Variants in ROBO1 observed in about 807,000 individuals in gnomAD.
ROBO1 encodes roundabout homolog 1.
ROBO1 carries 149 observed loss-of-function variants against 195.9 expected under a neutral mutation model. The ratio of observed to expected loss-of-function variants is 0.76; its 90% CI spans 0.67 to 0.87. The LOEUF (loss-of-function observed/expected upper bound fraction) is 0.87, where lower values mean the gene tolerates loss of function less well. Ranked by LOEUF, ROBO1 falls within the 40% of genes least tolerant of loss-of-function variation. The pLI, the probability that ROBO1 is intolerant of heterozygous loss-of-function variation, is 0.00. For synonymous variants in ROBO1, 816 were observed against 733.2 expected (o/e 1.11, Z -1.82); for missense variants, 1,933 against 2,068.3 (o/e 0.93, Z 1.27).
At chr3:78,978,075 T>A (rs2076919014) in intron 3 of ROBO1, among the ~76,000 whole-genome samples, 1 of 152,172 alleles carries the variant, frequency 6.6e-6, no homozygotes. Flanking sequence ...TTTTTTCAAA[T>A]ACAGAAGAGT....
intron 1 of ROBO1, among the ~76,000 whole-genome samples, chr3:79,646,495 G>T (rs9833856): frequency 0.57 from 86,535 of 151,878 alleles, 24,894 homozygotes; most frequent in South Asian, 0.67. Context: ...AAAATTGTAT[G>T]TAAATTATTC....
intron 2 of ROBO1, among the ~76,000 whole-genome samples, chr3:79,236,449 C>G (rs2082408072): frequency 6.6e-6 from 1 of 152,146 alleles, no homozygotes; most frequent in African/African-American, 2.4e-5. Flanking sequence ...TAACCTCACT[C>G]TCATATATCA....
chr3:78,657,199 A>G lies in ROBO1; in HGVS notation c.2513T>C (p.Val838Ala). 3 of 1,613,488 alleles carry G rather than the reference A, an allele frequency of 1.9e-6. No homozygotes were observed. The highest frequency in any genetic ancestry group is 2.5e-6 in the Non-Finnish European group (3 of 1,179,686). Residue 838 changes from valine to alanine, a missense_variant, in exon 18 of 31, where the codon GTC (valine) becomes GCC (alanine). By Grantham distance (64) the Val-to-Ala change is moderately conservative (BLOSUM62 0). This residue lies in a region of ROBO1 where 1,737 missense variants were observed against 1,882.5 expected (regional missense o/e 0.92). Transcript: ENST00000464233. ...GATTCCAGGAACAAGAAAGGGAATG[A>G]CCACGGAAAAGGTGGAACCATCCAC... ...KTVDGSTFSV[V>A]IPFLVPGIRY...
At chr3:78,949,801 C>A (rs372792687) in intron 3 of ROBO1, among the ~76,000 whole-genome samples, 9 of 151,852 alleles carry the variant, frequency 5.9e-5, no homozygotes, top group Non-Finnish European at 8.8e-5. Flanking sequence ...CAATGAACTC[C>A]AACAAATTTA....
chr3:79,681,766 A>G (rs1347242054), intron 1 of ROBO1, among the ~76,000 whole-genome samples: 2 of 151,970 alleles, frequency 1.3e-5, no homozygotes, highest in Non-Finnish European at 2.9e-5. Flanking sequence ...AATACTTACA[A>G]GTAGACTTTT....
At chr3:79,059,139 A>T (rs1445741387) in intron 3 of ROBO1, among the ~76,000 whole-genome samples, 1 of 152,120 alleles carries the variant, frequency 6.6e-6, no homozygotes, top group Non-Finnish European at 1.5e-5. Flanking sequence ...AGATTTCTTC[A>T]TCACCCCGTA....
intron 4 of ROBO1, among the ~76,000 whole-genome samples, chr3:78,925,073 GT>G (rs1452469725): frequency 6.6e-6 from 1 of 151,842 alleles, no homozygotes; most frequent in Non-Finnish European, 1.5e-5. Flanking sequence ...TACATGTTAG[GT>G]TATTAAAGTA....
chr3:78,649,959 C>T (rs1164045794), intron 19 of ROBO1, among the ~76,000 whole-genome samples: 1 of 152,124 alleles, frequency 6.6e-6, no homozygotes, highest in African/African-American at 2.4e-5. Context: ...AATCACGTAG[C>T]TATGGCACTT....
At chr3:79,713,281 A>G (rs904270539) in intron 1 of ROBO1, among the ~76,000 whole-genome samples, 2 of 152,056 alleles carry the variant, frequency 1.3e-5, no homozygotes, top group African/African-American at 2.4e-5. Context: ...TTCAAATCTT[A>G]TTATTTGAGA....
intron 3 of ROBO1, among the ~76,000 whole-genome samples, chr3:79,104,193 T>A (rs973995626): frequency 1.3e-5 from 2 of 151,794 alleles, no homozygotes; most frequent in African/African-American, 4.8e-5. Flanking sequence ...GTTTGTGGAA[T>A]TCTTTTAGTA....
At chr3:79,301,120 A>T (rs1047360617) in intron 2 of ROBO1, among the ~76,000 whole-genome samples, 1 of 151,830 alleles carries the variant, frequency 6.6e-6, no homozygotes, top group Non-Finnish European at 1.5e-5. Flanking sequence ...GCTACTGCTC[A>T]CTCTTTGGGT....
chr3:79,576,692 C>T (rs1287638524), intron 2 of ROBO1, among the ~76,000 whole-genome samples: 1 of 152,050 alleles, frequency 6.6e-6, no homozygotes, highest in African/African-American at 2.4e-5. Context: ...ATCATATACA[C>T]ACTTGGTGAA....
intron 1 of ROBO1, among the ~76,000 whole-genome samples, chr3:79,711,932 T>TATGAACGGGGG (rs1560121915): frequency 0.019 from 2,402 of 129,000 alleles, 92 homozygotes; most frequent in African/African-American, 0.068. Flanking sequence ...GGCGGGTGGG[T>TATGAACGGGGG]GGGGGAGCAC....
At chr3:79,537,117 T>TTTA (rs1553760808) in intron 2 of ROBO1, among the ~76,000 whole-genome samples, 2 of 151,896 alleles carry the variant, frequency 1.3e-5, no homozygotes, top group African/African-American at 4.8e-5. Context: ...TTTTTTATTT[T>TTTA]TTTTTTGACT....
At chr3:78,831,449 G>A (rs1244318495) in intron 4 of ROBO1, among the ~76,000 whole-genome samples, 1 of 152,142 alleles carries the variant, frequency 6.6e-6, no homozygotes, top group Non-Finnish European at 1.5e-5. Flanking sequence ...GCATGTCAGA[G>A]ATATTAAATG....
chr3:79,620,650 A>G (rs1407422487), intron 1 of ROBO1, among the ~76,000 whole-genome samples: 1 of 151,852 alleles, frequency 6.6e-6, no homozygotes, highest in Admixed American at 6.6e-5. Context: ...CCTTTTCCCC[A>G]GTTCAAAGCC....
chr3:79,479,512 G>A (rs983816624), intron 2 of ROBO1, among the ~76,000 whole-genome samples: 1 of 152,166 alleles, frequency 6.6e-6, no homozygotes, highest in Non-Finnish European at 1.5e-5. Flanking sequence ...CACAGCCCAA[G>A]GGTTGGAGAA....
At chr3:78,623,050 C>T (rs1214695689) in intron 26 of ROBO1, among the ~76,000 whole-genome samples, 1 of 152,174 alleles carries the variant, frequency 6.6e-6, no homozygotes, top group Non-Finnish European at 1.5e-5. Context: ...TAGGTCACTA[C>T]ATTTTGGAGT....
chr3:79,127,742 A>T (rs923948660), intron 2 of ROBO1, among the ~76,000 whole-genome samples: 1 of 152,336 alleles, frequency 6.6e-6, no homozygotes, highest in Non-Finnish European at 1.5e-5. Context: ...TTGAAATGAG[A>T]TACCTAAATC....
Sources: gnomAD v4.1 joint callset for allele counts (sites outside exome capture counted in the v4.1 genomes callset) on GRCh38, gnomAD v4.1.1 for gene constraint, gnomAD v4.1.1 regional missense constraint, MANE v1.5 for transcripts, NCBI Gene and HGNC (gene_info 2026-07-23, HGNC 2026-07-21) for gene names.